Variants in SLC8A1 observed in about 807,000 individuals in gnomAD.
SLC8A1 encodes the protein solute carrier family 8 member A1.
A neutral mutation model predicts 68.3 loss-of-function variants in SLC8A1; 18 were observed. The ratio of observed to expected loss-of-function variants is 0.26; its 90% CI spans 0.18 to 0.39. The LOEUF is 0.39. SLC8A1 is among the 10% of genes least tolerant of loss of function. The pLI is 1.00. For synonymous variants in SLC8A1, 475 were observed against 415.5 expected (o/e 1.14, Z -1.74); for missense variants, 985 against 1,156.7 (o/e 0.85, Z 2.15).
intron 7 of SLC8A1, among the ~76,000 whole-genome samples, chr2:40,137,483 C>G (rs2040733095): frequency 1.3e-5 from 2 of 152,148 alleles, no homozygotes. Flanking sequence ...CTAACTTGGA[C>G]ACAATGTGAT....
chr2:40,364,600 C>T (rs1356115300), intron 2 of SLC8A1, among the ~76,000 whole-genome samples: 2 of 151,958 alleles, frequency 1.3e-5, no homozygotes, highest in African/African-American at 2.4e-5. Context: ...TTTCCACCCT[C>T]AGATAAACAG....
chr2:40,259,433 A>G (rs139029999), intron 2 of SLC8A1, among the ~76,000 whole-genome samples: 1 of 152,038 alleles, frequency 6.6e-6, no homozygotes, highest in Non-Finnish European at 1.5e-5. Flanking sequence ...TTTCTATCCC[A>G]TTGCCAGAGC....
At chr2:40,397,031 G>A (rs1387592346) in intron 2 of SLC8A1, among the ~76,000 whole-genome samples, 1 of 152,158 alleles carries the variant, frequency 6.6e-6, no homozygotes, top group Non-Finnish European at 1.5e-5. Context: ...GAAAGTTGCT[G>A]ATGAGAATAT....
intron 2 of SLC8A1, among the ~76,000 whole-genome samples, chr2:40,339,800 AAGAC>A (rs762214325): frequency 2.0e-4 from 31 of 152,344 alleles, no homozygotes; most frequent in Non-Finnish European, 2.6e-4. Flanking sequence ...GATGGATAGA[AAGAC>A]AGACAGAAGT....
rs944076173 is a variant in SLC8A1 at position 40,507,278 on chromosome 2, G to A, written c.-25+5071C>T. ...AAGGGTGTTAAACATTTCAACATAC[G>A]TTGATCGAAACATGATTAATATGAT... is the stretch of plus-strand genomic sequence containing the variant. On this transcript the variant is annotated intron_variant, in intron 1 of 7. Transcript: ENST00000402441. Among the ~76,000 whole-genome samples the A allele has an allele frequency of 5.3e-5, 8 of 151,790 alleles. No individual in the cohort carries two copies. The South Asian group carries it at 6.2e-4, about 12-fold the overall frequency.
exon 8 of SLC8A1, chr2:40,113,858 A>G (rs544534934): frequency 6.5e-6 from 1 of 152,736 alleles, no homozygotes; most frequent in Non-Finnish European, 1.5e-5. Context: ...TGTGTTCCAC[A>G]TGGCTAATTT....
chr2:40,232,320 G>T (rs2059756289), intron 2 of SLC8A1, among the ~76,000 whole-genome samples: 1 of 152,026 alleles, frequency 6.6e-6, no homozygotes, highest in Non-Finnish European at 1.5e-5. Context: ...CTTTTGGTTG[G>T]CACATAGATG....
rs546891340 is a variant in SLC8A1 at position 40,435,365 on chromosome 2, C to G, written c.-24-5061G>C. Among the ~76,000 whole-genome samples the G allele has an allele frequency of 1.7e-3, 257 of 152,246 alleles. 2 individuals carry two copies. The highest frequency in any genetic ancestry group is 5.9e-3 in the African/African-American group (245 of 41,546). On this transcript the variant is annotated intron_variant, in intron 1 of 7. Coordinates refer to ENST00000406785, the Ensembl canonical transcript of SLC8A1. ...ACCATCTCACCTAAAGTGAAAATTA[C>G]TGCCCTGGCTCCAGCCTCAGGCTAT... is the stretch of plus-strand genomic sequence containing the variant.
exon 8 of SLC8A1, chr2:40,109,960 G>A (rs1225561784): frequency 1.3e-5 from 2 of 152,094 alleles, no homozygotes. Context: ...TTTCCTAAAA[G>A]TAAAACAAAA....
intron 1 of SLC8A1, among the ~76,000 whole-genome samples, chr2:40,441,857 GC>G (rs1424662601): frequency 1.3e-5 from 2 of 151,810 alleles, no homozygotes; most frequent in Non-Finnish European, 2.9e-5. Flanking sequence ...ATGGGTATGG[GC>G]AAAGACTTCA....
chr2:40,217,784 T>C (rs888758670), intron 2 of SLC8A1, among the ~76,000 whole-genome samples: 3 of 152,234 alleles, frequency 2.0e-5, no homozygotes, highest in Non-Finnish European at 4.4e-5. Context: ...ACACATAATG[T>C]TAATTTCAAG....
At chr2:40,429,299 T>C (rs961909462) in exon 2 of SLC8A1, 2 of 1,613,978 alleles carry the variant, frequency 1.2e-6, no homozygotes, top group South Asian at 2.2e-5. Flanking sequence ...TTCAGAATCC[T>C]AGCCATTTCT....
At chr2:40,225,626 G>A (rs747659981) in intron 2 of SLC8A1, among the ~76,000 whole-genome samples, 1 of 152,124 alleles carries the variant, frequency 6.6e-6, no homozygotes, top group African/African-American at 2.4e-5. Context: ...ATGGAAATCA[G>A]GTTAAAACAA....
intron 2 of SLC8A1, among the ~76,000 whole-genome samples, chr2:40,418,117 T>A (rs753964313): frequency 5.9e-5 from 9 of 152,280 alleles, no homozygotes; most frequent in Non-Finnish European, 1.2e-4. Context: ...AATTCAAACC[T>A]ATAGAGGACA....
At chr2:40,164,161 G>GGGGACCGA (rs113851513) in intron 5 of SLC8A1, among the ~76,000 whole-genome samples, 3 of 151,206 alleles carry the variant, frequency 2.0e-5, no homozygotes, top group Admixed American at 2.0e-4. Context: ...AGGGATGGGA[G>GGGGACCGA]GGGACAGAGG....
chr2:40,235,975 T>A (rs1055888448), intron 2 of SLC8A1, among the ~76,000 whole-genome samples: 10 of 151,620 alleles, frequency 6.6e-5, no homozygotes, highest in African/African-American at 1.9e-4. Context: ...TAGTTTGTTA[T>A]AATTTCTGTT....
intron 1 of SLC8A1, among the ~76,000 whole-genome samples, chr2:40,433,298 C>A (rs1209874167): frequency 2.0e-5 from 3 of 152,150 alleles, no homozygotes; most frequent in Admixed American, 6.5e-5. Flanking sequence ...ATTCCCTGAA[C>A]AAGGTAACAA....
At chr2:40,436,316 C>G (rs1699409029) in intron 1 of SLC8A1, among the ~76,000 whole-genome samples, 1 of 152,096 alleles carries the variant, frequency 6.6e-6, no homozygotes, top group African/African-American at 2.4e-5. Context: ...AAACCAGAAT[C>G]TGGGAAATGG....
intron 6 of SLC8A1, among the ~76,000 whole-genome samples, chr2:40,159,991 A>G (rs1573362705): frequency 1.3e-5 from 2 of 152,268 alleles, no homozygotes; most frequent in East Asian, 3.9e-4. Context: ...ACTGTAGAAG[A>G]TGAGCCTGGA....
Sources: gnomAD v4.1 joint callset for allele counts (sites outside exome capture counted in the v4.1 genomes callset) on GRCh38, gnomAD v4.1.1 for gene constraint, MANE v1.5 for transcripts, NCBI Gene and HGNC (gene_info 2026-07-23, HGNC 2026-07-21) for gene names.